TMEM150C: variants seen among roughly 807,000 people sequenced by gnomAD.
The protein encoded by TMEM150C is transmembrane protein 150C, also known as tentonin 3.
Under a neutral mutation model 29.9 loss-of-function variants are expected in TMEM150C, and 10 were observed. That is an observed-to-expected ratio of 0.33 (90% CI 0.21 to 0.57). The LOEUF is 0.57. Ranked by LOEUF, TMEM150C falls within the 20% of genes least tolerant of loss-of-function variation. The pLI is 0.88. For synonymous variants in TMEM150C, 101 were observed against 112.5 expected (o/e 0.90, Z 0.64); for missense variants, 251 against 303.6 (o/e 0.83, Z 1.29).
At chr4:82,526,745 T>C (rs1366740178) in intron 1 of TMEM150C, among the ~76,000 whole-genome samples, 1 of 152,206 alleles carries the variant, frequency 6.6e-6, no homozygotes, top group Non-Finnish European at 1.5e-5. Flanking sequence ...CAATTAATTA[T>C]AATGCTTAGA....
rs368239395 is a variant in TMEM150C, at chr4:82,490,047, C to A, written c.541+14G>T. ...TCTTACTGGCAAAAGAAGCTTTTCA[C>A]GTTCAAAGGATACAGAGGACCACAC... On this transcript the variant is annotated intron_variant, in intron 7 of 7. Transcript: ENST00000449862. 6.2e-7 allele frequency: 1 copy of A among 1,608,652 alleles called. No individual in the cohort carries two copies. The highest frequency in any genetic ancestry group is 8.5e-7 in the Non-Finnish European group (1 of 1,176,786).
chr4:82,486,546 T>C (rs1407921934), intron 7 of TMEM150C, among the ~76,000 whole-genome samples: 2 of 152,120 alleles, frequency 1.3e-5, no homozygotes, highest in African/African-American at 4.8e-5. Flanking sequence ...CAGACAATAC[T>C]GTATAGACCA....
chr4:82,543,808 A>T (rs530842324), intron 1 of TMEM150C, among the ~76,000 whole-genome samples: 1 of 152,198 alleles, frequency 6.6e-6, no homozygotes, highest in Admixed American at 6.5e-5. Flanking sequence ...TCAAGGAAAA[A>T]TCAAGAGAAA....
intron 6 of TMEM150C, chr4:82,495,431 A>G: frequency 3.2e-6 from 1 of 311,328 alleles, no homozygotes; most frequent in Admixed American, 4.1e-5. Flanking sequence ...ACAGAGCGAG[A>G]CTCCGTCTCA....
chr4:82,546,160 T>C (rs992913021), intron 1 of TMEM150C, among the ~76,000 whole-genome samples: 5 of 152,242 alleles, frequency 3.3e-5, no homozygotes, highest in Non-Finnish European at 5.9e-5. Context: ...CTGTTCTTCC[T>C]AAAACAATCT....
At chr4:82,556,288 T>A (rs568578814) in intron 1 of TMEM150C, among the ~76,000 whole-genome samples, 3 of 152,214 alleles carry the variant, frequency 2.0e-5, no homozygotes, top group Non-Finnish European at 2.9e-5. Flanking sequence ...TCTCTAGTGC[T>A]CTGAACCACT....
At chr4:82,529,728 A>G (rs1374519775) in intron 1 of TMEM150C, among the ~76,000 whole-genome samples, 1 of 152,164 alleles carries the variant, frequency 6.6e-6, no homozygotes, top group Admixed American at 6.5e-5. Context: ...GACTGTGGAG[A>G]CAGACTTCCC....
intron 1 of TMEM150C, among the ~76,000 whole-genome samples, chr4:82,524,296 A>C (rs1277507038): frequency 6.6e-6 from 1 of 152,062 alleles, no homozygotes; most frequent in Non-Finnish European, 1.5e-5. Context: ...ACAGAATCTA[A>C]GTTTATTTCA....
intron 1 of TMEM150C, among the ~76,000 whole-genome samples, chr4:82,558,441 G>A (rs1374213362): frequency 1.3e-5 from 2 of 152,102 alleles, no homozygotes; most frequent in Non-Finnish European, 2.9e-5. Flanking sequence ...CTTAGTAAAA[G>A]AGCTTCAAGC....
intron 1 of TMEM150C, among the ~76,000 whole-genome samples, chr4:82,534,834 G>C (rs114836507): frequency 2.0e-4 from 31 of 152,314 alleles, no homozygotes; most frequent in African/African-American, 7.2e-4. Flanking sequence ...TGAGAGCCAT[G>C]AAGGGGGCTG....
intron 6 of TMEM150C, chr4:82,495,122 C>A: frequency 1.6e-6 from 1 of 629,570 alleles, no homozygotes; most frequent in Non-Finnish European, 2.6e-6. Flanking sequence ...TTACAACATA[C>A]TGGCAGACAT....
chr4:82,517,841 A>G (rs1489356141), intron 1 of TMEM150C, among the ~76,000 whole-genome samples: 8 of 152,176 alleles, frequency 5.3e-5, no homozygotes, highest in Non-Finnish European at 8.8e-5. Context: ...TATATATCCT[A>G]TTGGTTCTGT....
At chr4:82,522,966 A>G (rs1301352754) in intron 1 of TMEM150C, among the ~76,000 whole-genome samples, 1 of 152,058 alleles carries the variant, frequency 6.6e-6, no homozygotes, top group Non-Finnish European at 1.5e-5. Context: ...CTAAAACGGG[A>G]TTTTACAAGG....
intron 7 of TMEM150C, 136 bp from the exon 8 acceptor site, chr4:82,485,855 G>T: frequency 4.1e-6 from 3 of 727,502 alleles, no homozygotes; most frequent in Non-Finnish European, 4.5e-6. Context: ...AGAGCTTGTT[G>T]AACACGAAAA....
At chr4:82,511,409 T>C (rs924952540) in intron 1 of TMEM150C, among the ~76,000 whole-genome samples, 3 of 151,936 alleles carry the variant, frequency 2.0e-5, no homozygotes, top group African/African-American at 7.3e-5. Context: ...TAGGGATCCT[T>C]TCATGCCAGT....
rs574474574 is a variant in TMEM150C, at chr4:82,545,720, A to G, written c.-11+16186T>C. Among the ~76,000 whole-genome samples the G allele has an allele frequency of 4.6e-5, 7 of 152,310 alleles. No individual in the cohort carries two copies. In the South Asian group the frequency reaches 1.5e-3, roughly 32 times the overall value. Reference sequence around the variant, plus strand: ...TGAGGCTGGCAAATCACTTAAGGCCAGGAGTTTGAGAACAGCCTGGCCAAC... The same window carrying G: ...TGAGGCTGGCAAATCACTTAAGGCCGGGAGTTTGAGAACAGCCTGGCCAAC... On this transcript the variant is annotated intron_variant, in intron 1 of 7. Coordinates refer to ENST00000449862, the MANE Select transcript of TMEM150C (RefSeq NM_001080506.3).
intron 1 of TMEM150C, among the ~76,000 whole-genome samples, chr4:82,538,033 A>G (rs963704496): frequency 3.3e-5 from 5 of 152,248 alleles, no homozygotes; most frequent in African/African-American, 9.6e-5. Context: ...AAGTTTATAT[A>G]TAAAGATGTT....
chr4:82,548,808 G>A (rs1471106351), intron 1 of TMEM150C, among the ~76,000 whole-genome samples: 3 of 152,194 alleles, frequency 2.0e-5, no homozygotes, highest in Non-Finnish European at 2.9e-5. Flanking sequence ...CTTTAAGCTG[G>A]TGAGGAGGCA....
At chr4:82,495,661 G>T in intron 6 of TMEM150C, 1 of 297,786 alleles carries the variant, frequency 3.4e-6, no homozygotes, top group South Asian at 3.6e-5. Flanking sequence ...AGGCAGGCGG[G>T]CATGGCCATG....
Sources: gnomAD v4.1 joint callset for allele counts (sites outside exome capture counted in the v4.1 genomes callset) on GRCh38, gnomAD v4.1.1 for gene constraint, MANE v1.5 for transcripts, NCBI Gene and HGNC (gene_info 2026-07-23, HGNC 2026-07-21) for gene names.